SIDT1: variants seen among roughly 807,000 people sequenced by gnomAD.
The protein encoded by SIDT1 is SID1 transmembrane family, member 1.
In SIDT1, 101 loss-of-function variants were observed where a neutral mutation model predicts 107.5. The observed-to-expected ratio is 0.94, with a 90% CI of 0.80 to 1.11. The LOEUF (loss-of-function observed/expected upper bound fraction) is 1.11. Ranked by LOEUF, SIDT1 falls within the 50% of genes least tolerant of loss-of-function variation. The pLI is 0.00. For synonymous variants in SIDT1, 395 were observed against 398.2 expected (o/e 0.99, Z 0.10); for missense variants, 1,076 against 1,058.2 (o/e 1.02, Z -0.23).
intron 1 of SIDT1, among the ~76,000 whole-genome samples, chr3:113,565,185 T>C (rs1342858910): frequency 6.6e-6 from 1 of 152,218 alleles, no homozygotes; most frequent in Non-Finnish European, 1.5e-5. Flanking sequence ...TTGTTGCTTT[T>C]ACCCTATCTC....
downstream of SIDT1, among the ~76,000 whole-genome samples, chr3:113,630,412 T>C (rs1330229571): frequency 6.6e-6 from 1 of 152,160 alleles, no homozygotes; most frequent in Non-Finnish European, 1.5e-5. Flanking sequence ...CTGGACTCTA[T>C]CTGGGGAAGG....
At chr3:113,615,103 GGT>G (rs944100376) in intron 19 of SIDT1, 2 of 1,535,270 alleles carry the variant, frequency 1.3e-6, no homozygotes, top group African/African-American at 2.7e-5. Flanking sequence ...CCTTTCCAGG[GGT>G]CTAGATTGTT....
At chr3:113,557,682 GC>G (rs897899650) in intron 1 of SIDT1, among the ~76,000 whole-genome samples, 4 of 152,168 alleles carry the variant, frequency 2.6e-5, no homozygotes, top group Non-Finnish European at 5.9e-5. Context: ...AGGGAGCATG[GC>G]CCAGCTAACA....
At chr3:113,552,853 C>T (rs1287589285) in intron 1 of SIDT1, among the ~76,000 whole-genome samples, 1 of 152,198 alleles carries the variant, frequency 6.6e-6, no homozygotes, top group Non-Finnish European at 1.5e-5. Context: ...GCCTTGCTTC[C>T]CGCAAAATTC....
At chr3:113,597,993 G>A (rs1345108467) in intron 10 of SIDT1, among the ~76,000 whole-genome samples, 3 of 152,190 alleles carry the variant, frequency 2.0e-5, no homozygotes, top group Non-Finnish European at 4.4e-5. Flanking sequence ...TTAGACATAA[G>A]CAAAATGAAA....
intron 9 of SIDT1, among the ~76,000 whole-genome samples, chr3:113,585,490 A>G (rs1576857094): frequency 6.6e-6 from 1 of 152,106 alleles, no homozygotes; most frequent in African/African-American, 2.4e-5. Flanking sequence ...AAAAAGTACA[A>G]CTGCAGCTTT....
intron 1 of SIDT1, among the ~76,000 whole-genome samples, chr3:113,537,152 A>T (rs1938266899): frequency 6.6e-6 from 1 of 152,246 alleles, no homozygotes; most frequent in Non-Finnish European, 1.5e-5. Flanking sequence ...GTTTTCCTGT[A>T]AGAATTTAGT....
At position 113,571,526 on chromosome 3, in the gene SIDT1, C is replaced by T. The variant is rs529253290; in HGVS notation, c.515+3816C>T. Among the ~76,000 whole-genome samples the T allele has an allele frequency of 4.7e-5, 5 of 107,460 alleles. No homozygotes were observed. The South Asian group carries it at 1.3e-3, about 27-fold the overall frequency. 70.5% of individuals were successfully genotyped at this position (107,460 alleles called of 152,430 possible). ...CACACACACATAAACTGTGCCACTA[C>T]TCTTTTTCTACACTCCAGTGCCCAG... On this transcript the variant is annotated intron_variant, in intron 3 of 24. Transcript: ENST00000264852.
At chr3:113,632,017 C>T (rs763643056), downstream of SIDT1, among the ~76,000 whole-genome samples, 5 of 152,130 alleles carry the variant, frequency 3.3e-5, no homozygotes, top group Admixed American at 6.5e-5. Flanking sequence ...AAGTCCCTGT[C>T]ATCTAAGTTT....
At position 113,623,192 on chromosome 3, in the gene SIDT1, TAAAAAAAAA is replaced by T. The variant is rs61454117; in HGVS notation, c.2091-214_2091-206del. Among the ~76,000 whole-genome samples, 141 of 53,856 alleles carry T rather than the reference TAAAAAAAAA, an allele frequency of 2.6e-3. 3 individuals carry two copies. Among genetic ancestry groups the T allele is most frequent in the South Asian group, 0.026 (26 of 1,004 alleles). 35.3% of individuals were successfully genotyped at this position (53,856 alleles called of 152,430 possible). ...AGTGAGGGAATGAGACCCCAACTCTTAAAAAAAAAAAAAAAAAAAAAAAAAAAAAGATAC... is the reference window on the plus strand; with the variant it reads ...AGTGAGGGAATGAGACCCCAACTCTTAAAAAAAAAAAAAAAAAAAAGATAC... On this transcript the variant is annotated intron_variant, in intron 21 of 24. Coordinates refer to ENST00000264852, the MANE Select transcript of SIDT1 (RefSeq NM_017699.3).
chr3:113,550,939 A>G lies in SIDT1; in HGVS notation c.223-15481A>G, dbSNP rs575314607. 2.9e-4 allele frequency among the ~76,000 whole-genome samples: 44 copies of G among 152,138 alleles called. 1 individual carries two copies. In the South Asian group the frequency reaches 3.5e-3, roughly 12 times the overall value. On this transcript the variant is annotated intron_variant, in intron 1 of 24. Transcript: ENST00000264852. ...CACCCTCCACCCTCCAGCAGGCCCC[A>G]ATGTGTGTTGCTCCCCTCTATGTGT...
chr3:113,574,476 A>G (rs1942741053), intron 3 of SIDT1, among the ~76,000 whole-genome samples: 2 of 152,240 alleles, frequency 1.3e-5, no homozygotes. Context: ...GTTAATCAAG[A>G]TGAGTAAGGT....
chr3:113,626,123 G>A lies in SIDT1; in HGVS notation c.2329G>A (p.Glu777Lys). ...SWEGTPAESR[E>K]KNRECILLDF... ...CCAGGGAACTCCGGCCGAATCCCGG[G>A]AGAAGAACCGCGAGTGCATTCTGCT... is the stretch of plus-strand genomic sequence containing the variant. Residue 777 changes from glutamate to lysine, a missense_variant, in exon 24 of 25, where the codon GAG becomes AAG. Coordinates refer to ENST00000264852, the MANE Select transcript of SIDT1 (RefSeq NM_017699.3). The A allele has an allele frequency of 6.2e-7, 1 of 1,614,064 alleles. No homozygotes were observed. The highest frequency in any genetic ancestry group is 8.5e-7 in the Non-Finnish European group (1 of 1,179,962).
chr3:113,580,801 T>C (rs1943269817), intron 5 of SIDT1, 92 bp downstream of exon 5: 21 of 820,670 alleles, frequency 2.6e-5, no homozygotes, highest in Non-Finnish European at 3.8e-5. Flanking sequence ...GCCATCCTCT[T>C]ACTGTGTATC....
rs1335475190 is a variant in SIDT1, at chr3:113,542,933, TG to T, written c.222+9691del. The stretch of plus-strand genomic sequence containing the variant: ...GTGTGTGTGTGTGTGTGTGTGTGTG[TG>T]TGTGTTTGTTTGTTTGTTTGTTTTT... On this transcript the variant is annotated intron_variant, in intron 1 of 24. Coordinates refer to ENST00000264852, the MANE Select transcript of SIDT1 (RefSeq NM_017699.3). 6.6e-3 allele frequency among the ~76,000 whole-genome samples: 988 copies of T among 150,248 alleles called. 5 individuals carry two copies. Among genetic ancestry groups the T allele is most frequent in the African/African-American group, 0.023 (907 of 40,156 alleles).
At chr3:113,603,424 G>A (rs1576923862) in intron 12 of SIDT1, among the ~76,000 whole-genome samples, 1 of 152,150 alleles carries the variant, frequency 6.6e-6, no homozygotes, top group Non-Finnish European at 1.5e-5. Flanking sequence ...AAAGAAGGAA[G>A]GGATCCAACC....
chr3:113,590,489 C>A (rs1253495610), intron 9 of SIDT1, among the ~76,000 whole-genome samples: 1 of 152,150 alleles, frequency 6.6e-6, no homozygotes, highest in Non-Finnish European at 1.5e-5. Flanking sequence ...AATTCATAGA[C>A]CATAAAATTC....
chr3:113,588,891 G>A (rs1165171846), intron 9 of SIDT1: 1 of 152,150 alleles, frequency 6.6e-6, no homozygotes, highest in African/African-American at 2.4e-5. Context: ...TCAGCTGGAT[G>A]GTTCCGCTAA....
chr3:113,566,409 CTGCCA>C lies in SIDT1; in HGVS notation c.223-7_223-3del. On this transcript the variant is annotated splice_polypyrimidine_tract_variant and splice_region_variant and intron_variant, in intron 1 of 24. Coordinates refer to ENST00000264852, the MANE Select transcript of SIDT1 (RefSeq NM_017699.3). ...ACGTTTTGCATTACCTCTTTCTACC[CTGCCA>C]TGCAGGTGACAGCCGTGAGGGTGTA... 1 of 1,612,530 alleles carries C rather than the reference CTGCCA, an allele frequency of 6.2e-7. No homozygotes were observed.
Sources: allele counts gnomAD v4.1 joint callset (sites outside exome capture counted in the v4.1 genomes callset), GRCh38; gene constraint gnomAD v4.1.1; transcripts MANE v1.5; gene names NCBI Gene and HGNC (gene_info 2026-07-23, HGNC 2026-07-21).